ANO10: variants seen among roughly 807,000 people sequenced by gnomAD.
ANO10 encodes the protein anoctamin 10.
ANO10 carries 77 observed loss-of-function variants against 74.7 expected under a neutral mutation model. That is an observed-to-expected ratio of 1.03 (90% CI 0.86 to 1.25). The LOEUF is 1.25. ANO10 is among the 50% of genes most tolerant of loss of function. The pLI is 0.00. For missense variants in ANO10, 721 were observed against 778.1 expected (o/e 0.93, Z 0.87); for synonymous variants, 279 against 284.9 (o/e 0.98, Z 0.21).
chr3:43,440,035 T>TA (rs922943035), intron 11 of ANO10, among the ~76,000 whole-genome samples: 13 of 150,642 alleles, frequency 8.6e-5, no homozygotes, highest in African/African-American at 2.4e-4. Context: ...AAAATACCTG[T>TA]AAAAAAACAC....
chr3:43,542,845 CTG>C (rs2149283665), intron 11 of ANO10, among the ~76,000 whole-genome samples: 1 of 152,366 alleles, frequency 6.6e-6, no homozygotes, highest in East Asian at 1.9e-4. Flanking sequence ...GTACTCAGCC[CTG>C]TGTTTGGCAT....
In ANO10 at chr3:43,602,582, C is replaced by T. The variant is rs553411766; in HGVS notation, c.140-2001G>A. On this transcript the variant is annotated intron_variant, in intron 2 of 12. Coordinates refer to ENST00000292246, the MANE Select transcript of ANO10 (RefSeq NM_018075.5). The stretch of plus-strand genomic sequence containing the variant: ...AACTCCTGACCTCAAGTGATCCGCC[C>T]GCCTTGGCCTCCCAAAGTGCTGGGA... 7.2e-5 allele frequency among the ~76,000 whole-genome samples: 11 copies of T among 152,304 alleles called. No individual in the cohort carries two copies. The South Asian group carries it at 2.1e-3, about 29-fold the overall frequency.
intron 12 of ANO10, among the ~76,000 whole-genome samples, chr3:43,400,666 A>G (rs926017370): frequency 1.3e-5 from 2 of 152,112 alleles, no homozygotes; most frequent in African/African-American, 4.8e-5. Context: ...TGTATTTCCA[A>G]CTACTTGGGA....
At chr3:43,665,361 C>T (rs2083977483) in intron 1 of ANO10, among the ~76,000 whole-genome samples, 1 of 152,026 alleles carries the variant, frequency 6.6e-6, no homozygotes, top group Non-Finnish European at 1.5e-5. Context: ...ACATCACACA[C>T]CAGGGCCTGT....
Position 43,432,641 on chromosome 3 carries a change from T to A in ANO10, c.1884A>T (p.Glu628Asp). The change falls in exon 12 of 13, where the codon GAA (glutamate) becomes GAT (aspartate). Residue 628 changes from glutamate (E) to aspartate (D), a missense_variant. Coordinates refer to ENST00000292246, the MANE Select transcript of ANO10 (RefSeq NM_018075.5). ...RHIQMKLARL[E>D]FESLEALKQQ... Reference sequence around the variant, plus strand: ...GCTTGAGTGCCTCCAAAGACTCAAATTCCAGTCTGGCTAGTTTCATCTGGA... The same window carrying A: ...GCTTGAGTGCCTCCAAAGACTCAAAATCCAGTCTGGCTAGTTTCATCTGGA... 6.2e-7 allele frequency: 1 copy of A among 1,613,892 alleles called. No individual in the cohort carries two copies. Among genetic ancestry groups the A allele is most frequent in the Non-Finnish European group, 8.5e-7 (1 of 1,179,800 alleles).
intron 12 of ANO10, among the ~76,000 whole-genome samples, chr3:43,385,521 A>T (rs796853877): frequency 6.6e-6 from 1 of 152,238 alleles, no homozygotes; most frequent in Non-Finnish European, 1.5e-5. Context: ...ATGCCCATCA[A>T]CCAACGAGTG....
intron 3 of ANO10, 91 bp downstream of exon 3, chr3:43,600,293 A>C (rs1028646209): frequency 1.4e-6 from 2 of 1,414,804 alleles, no homozygotes; most frequent in East Asian, 2.3e-5. Context: ...TTGACCCTTT[A>C]CTGAAAAAAG....
At chr3:43,567,159 G>T (rs2080407000) in intron 7 of ANO10, among the ~76,000 whole-genome samples, 1 of 152,152 alleles carries the variant, frequency 6.6e-6, no homozygotes, top group Admixed American at 6.5e-5. Context: ...AATGAGCAAA[G>T]CCTCCAAGAA....
chr3:43,584,784 CACA>C (rs1371963597), intron 4 of ANO10, among the ~76,000 whole-genome samples: 1 of 152,102 alleles, frequency 6.6e-6, no homozygotes, highest in Non-Finnish European at 1.5e-5. Context: ...TCTATCAAAA[CACA>C]ACATTACAGC....
intron 11 of ANO10, among the ~76,000 whole-genome samples, chr3:43,495,145 C>T (rs182549259): frequency 9.9e-5 from 15 of 151,842 alleles, no homozygotes; most frequent in African/African-American, 2.2e-4. Flanking sequence ...CTGGAAAAGA[C>T]GGTTTAATAA....
chr3:43,486,179 A>G (rs1425496069), intron 11 of ANO10, among the ~76,000 whole-genome samples: 1 of 152,136 alleles, frequency 6.6e-6, no homozygotes, highest in Non-Finnish European at 1.5e-5. Flanking sequence ...CACGTTTACT[A>G]TCTATTCTCT....
At chr3:43,387,120 C>T (rs1349991198) in intron 12 of ANO10, among the ~76,000 whole-genome samples, 2 of 152,186 alleles carry the variant, frequency 1.3e-5, no homozygotes, top group Admixed American at 6.5e-5. Context: ...CAGCATACTA[C>T]ACTCCTAGGC....
At chr3:43,431,593 A>G (rs907269141) in intron 12 of ANO10, among the ~76,000 whole-genome samples, 1 of 152,000 alleles carries the variant, frequency 6.6e-6, no homozygotes, top group Non-Finnish European at 1.5e-5. Flanking sequence ...CCACATGCCA[A>G]AAGTGAACTT....
chr3:43,603,505 T>C (rs2082426308), intron 2 of ANO10, among the ~76,000 whole-genome samples: 1 of 152,052 alleles, frequency 6.6e-6, no homozygotes, highest in Admixed American at 6.5e-5. Context: ...TTTATAGATG[T>C]TATATCTTTT....
At chr3:43,666,522 G>T (rs1405593666) in intron 1 of ANO10, among the ~76,000 whole-genome samples, 1 of 152,114 alleles carries the variant, frequency 6.6e-6, no homozygotes, top group Non-Finnish European at 1.5e-5. Flanking sequence ...AAGAAATAAA[G>T]ATGATTATAA....
chr3:43,404,508 A>G (rs2092540154), intron 12 of ANO10, among the ~76,000 whole-genome samples: 1 of 152,192 alleles, frequency 6.6e-6, no homozygotes, highest in African/African-American at 2.4e-5. Context: ...GGAACTCTGG[A>G]TCCACAGAAA....
chr3:43,456,013 A>G (rs1461157560), intron 11 of ANO10, among the ~76,000 whole-genome samples: 1 of 152,180 alleles, frequency 6.6e-6, no homozygotes, highest in Non-Finnish European at 1.5e-5. Context: ...AACATTAAAA[A>G]ACATTTAAGC....
At chr3:43,383,453 C>CAAAAAAAA (rs1235535066) in intron 12 of ANO10, among the ~76,000 whole-genome samples, 1 of 50,838 alleles carries the variant, frequency 2.0e-5, no homozygotes, top group Non-Finnish European at 4.1e-5. Flanking sequence ...GACTCTGTCT[C>CAAAAAAAA]AAAAAAAAAA....
intron 12 of ANO10, chr3:43,372,921 T>C: frequency 7.1e-7 from 1 of 1,404,834 alleles, no homozygotes; most frequent in Non-Finnish European, 9.6e-7. Flanking sequence ...GTGAAGCCTC[T>C]TTTTTTCATG....
Sources: allele counts gnomAD v4.1 joint callset (sites outside exome capture counted in the v4.1 genomes callset), GRCh38; gene constraint gnomAD v4.1.1; transcripts MANE v1.5; gene names NCBI Gene and HGNC (gene_info 2026-07-23, HGNC 2026-07-21).